The following CSMD3 variants were observed in gnomAD, a reference collection of about 807,000 sequenced individuals.
CSMD3 encodes the protein CUB and Sushi multiple domains 3.
CSMD3 carries 177 observed loss-of-function variants against 435.2 expected under a neutral mutation model. The ratio of observed to expected loss-of-function variants is 0.41; its 90% CI spans 0.36 to 0.46. CSMD3 has a LOEUF of 0.46. Among genes scored for constraint, CSMD3 ranks in the 20% least tolerant of loss-of-function variants. The pLI is 0.34. For synonymous variants in CSMD3, 1,656 were observed against 1,520.5 expected (o/e 1.09, Z -2.07); for missense variants, 4,265 against 4,504.6 (o/e 0.95, Z 1.52).
intron 33 of CSMD3, 129 bp from the exon 34 acceptor site, chr8:112,408,542 T>C: frequency 1.4e-6 from 1 of 722,964 alleles, no homozygotes; most frequent in Non-Finnish European, 2.4e-6. Context: ...CTTTAAAATA[T>C]CCTACAACTA....
chr8:112,598,198 A>G lies in CSMD3; in HGVS notation c.3716-10963T>C, dbSNP rs1586769637. ...CAGGATACAAAAACAATGTACAAAA[A>G]TCACAAGCATTCTTATACACCAACA... On this transcript the variant is annotated intron_variant, in intron 22 of 70. Transcript: ENST00000297405. Among the ~76,000 whole-genome samples the G allele has an allele frequency of 2.3e-5, 3 of 131,232 alleles. 1 individual carries two copies. In the Admixed American group the frequency reaches 2.3e-4, roughly 10 times the overall value. The allele number at this position is 131,232 out of a possible 152,430, so 86.1% of individuals were successfully genotyped here. A position where few individuals can be genotyped will look rare whatever the true frequency, so the allele number is the denominator to read the frequency against.
intron 23 of CSMD3, among the ~76,000 whole-genome samples, chr8:112,576,013 C>T (rs1046268313): frequency 3.8e-4 from 57 of 151,974 alleles, no homozygotes; most frequent in Non-Finnish European, 7.1e-4. Flanking sequence ...TAACTTCTCA[C>T]CAACATATAA....
At chr8:113,145,580 GTAT>G (rs1381130718) in intron 4 of CSMD3, among the ~76,000 whole-genome samples, 1 of 151,458 alleles carries the variant, frequency 6.6e-6, no homozygotes, top group East Asian at 1.9e-4. Context: ...AGTAATATTA[GTAT>G]TATATTTATC....
chr8:112,799,493 AT>A (rs1025038533), intron 13 of CSMD3, among the ~76,000 whole-genome samples: 3 of 151,900 alleles, frequency 2.0e-5, no homozygotes, highest in African/African-American at 7.2e-5. Context: ...CTTATTAGTA[AT>A]TTTTTCAGTC....
At chr8:112,866,042 G>T (rs137865593) in intron 10 of CSMD3, among the ~76,000 whole-genome samples, 2 of 152,254 alleles carry the variant, frequency 1.3e-5, no homozygotes, top group African/African-American at 4.8e-5. Flanking sequence ...GAACAAGCAC[G>T]TCCTACTGCC....
chr8:113,432,081 A>C (rs922701157), intron 1 of CSMD3, among the ~76,000 whole-genome samples: 6 of 152,164 alleles, frequency 3.9e-5, no homozygotes, highest in Non-Finnish European at 7.4e-5. Flanking sequence ...AAGATGCCGA[A>C]ACCTTCTCCT....
chr8:113,163,847 A>T (rs72685897), intron 4 of CSMD3, among the ~76,000 whole-genome samples: 15,446 of 152,022 alleles, frequency 0.1, 939 homozygotes, highest in Middle Eastern at 0.17. Flanking sequence ...CTACTTTTCA[A>T]TACAAAGGCA....
intron 59 of CSMD3, among the ~76,000 whole-genome samples, chr8:112,280,050 A>G (rs1818472495): frequency 6.6e-6 from 1 of 152,112 alleles, no homozygotes; most frequent in African/African-American, 2.4e-5. Context: ...AGAAAATGCA[A>G]ACAAAAAGGA....
At chr8:112,531,226 C>T (rs1825500415) in intron 27 of CSMD3, among the ~76,000 whole-genome samples, 1 of 152,102 alleles carries the variant, frequency 6.6e-6, no homozygotes, top group African/African-American at 2.4e-5. Flanking sequence ...TGATTTCAGG[C>T]CACTGCTCCC....
At chr8:113,223,192 G>T (rs538055419) in intron 3 of CSMD3, among the ~76,000 whole-genome samples, 1 of 149,946 alleles carries the variant, frequency 6.7e-6, no homozygotes, top group South Asian at 2.1e-4. Context: ...TCAAAATATA[G>T]CTCATTTTAA....
At chr8:112,727,525 T>C (rs1214913594) in intron 13 of CSMD3, among the ~76,000 whole-genome samples, 6 of 151,866 alleles carry the variant, frequency 4.0e-5, no homozygotes, top group Non-Finnish European at 8.8e-5. Flanking sequence ...TGCTTCAAGA[T>C]TCTTAATGAC....
chr8:113,427,611 T>C (rs2094643582), intron 1 of CSMD3, among the ~76,000 whole-genome samples: 2 of 151,770 alleles, frequency 1.3e-5, no homozygotes, highest in African/African-American at 2.4e-5. Context: ...GTCCCCTCTT[T>C]TATGTGAAGA....
At chr8:113,334,462 T>A in intron 1 of CSMD3, among the ~76,000 whole-genome samples, 1 of 151,860 alleles carries the variant, frequency 6.6e-6, no homozygotes, top group Non-Finnish European at 1.5e-5. Context: ...ATTTTTCATA[T>A]ATTGTTGAGT....
intron 5 of CSMD3, among the ~76,000 whole-genome samples, chr8:113,091,169 A>G (rs760209010): frequency 6.6e-6 from 1 of 152,164 alleles, no homozygotes; most frequent in East Asian, 1.9e-4. Flanking sequence ...AATTAAAAAT[A>G]GGTGAAAGGA....
chr8:112,301,297 T>C (rs912285494), intron 53 of CSMD3, among the ~76,000 whole-genome samples: 4 of 152,008 alleles, frequency 2.6e-5, no homozygotes, highest in African/African-American at 9.7e-5. Flanking sequence ...ACATCCTAAT[T>C]GCCTAAAATC....
At chr8:113,263,891 C>A (rs907501793) in intron 3 of CSMD3, among the ~76,000 whole-genome samples, 2 of 151,592 alleles carry the variant, frequency 1.3e-5, no homozygotes, top group South Asian at 4.2e-4. Context: ...AAATTTGAGG[C>A]TATTATTTTA....
In CSMD3 at chr8:112,254,338, A is replaced by G; in HGVS notation, c.10037-12T>C. 2 of 1,588,798 alleles carry G rather than the reference A, an allele frequency of 1.3e-6. No homozygotes were observed. Among genetic ancestry groups the G allele is most frequent in the South Asian group, 1.1e-5 (1 of 90,596 alleles). On this transcript the variant is annotated splice_polypyrimidine_tract_variant and intron_variant, in intron 62 of 70. Coordinates refer to ENST00000297405, the MANE Select transcript of CSMD3 (RefSeq NM_198123.2). ...GGTTTGGGTAGGCTCTAAAATGAAG[A>G]TTAAAAAGATATTAGTCCTTTAAAA...
At chr8:112,289,971 ATACAGAAAT>A (rs935952419) in intron 56 of CSMD3, among the ~76,000 whole-genome samples, 11 of 152,236 alleles carry the variant, frequency 7.2e-5, no homozygotes, top group Admixed American at 7.2e-4. Context: ...AAGTGAAGCA[ATACAGAAAT>A]TACATGAAAA....
rs1036762763 is a variant in CSMD3 at position 112,950,169 on chromosome 8, C to T, written c.1421-2292G>A. Among the ~76,000 whole-genome samples, 18 of 151,552 alleles carry T rather than the reference C, an allele frequency of 1.2e-4. No homozygotes were observed. In the East Asian group the frequency reaches 1.8e-3, roughly 15 times the overall value. On this transcript the variant is annotated intron_variant, in intron 8 of 70. Transcript: ENST00000297405. Reference sequence around the variant, plus strand: ...GAGAAAAAACATTATTTTAATATACCTATTTAATATATTTTCAACAAATAT... The same window carrying T: ...GAGAAAAAACATTATTTTAATATACTTATTTAATATATTTTCAACAAATAT...
Sources: gnomAD v4.1 joint callset for allele counts (sites outside exome capture counted in the v4.1 genomes callset) on GRCh38, gnomAD v4.1.1 for gene constraint, MANE v1.5 for transcripts, NCBI Gene and HGNC (gene_info 2026-07-23, HGNC 2026-07-21) for gene names.